The following RASSF8 variants were observed in gnomAD, a reference collection of about 807,000 sequenced individuals.
RASSF8 encodes Ras association domain family member 8, also known as ras association domain-containing protein 8.
A neutral mutation model predicts 48.5 loss-of-function variants in RASSF8; 22 were observed. That is an observed-to-expected ratio of 0.45 (90% CI 0.32 to 0.65). RASSF8 has a LOEUF of 0.65. RASSF8 is among the 30% of genes least tolerant of loss of function. The pLI, the probability that RASSF8 is intolerant of heterozygous loss-of-function variation, is 0.03. For missense variants in RASSF8, 418 were observed against 489.2 expected (o/e 0.85, Z 1.37); for synonymous variants, 127 against 171.5 (o/e 0.74, Z 2.03).
At chr12:26,028,706 T>G (rs1450568670) in intron 2 of RASSF8, among the ~76,000 whole-genome samples, 1 of 152,022 alleles carries the variant, frequency 6.6e-6, no homozygotes, top group Non-Finnish European at 1.5e-5. Flanking sequence ...TAAGGAGGGG[T>G]GAATGAGGAA....
intron 1 of RASSF8, among the ~76,000 whole-genome samples, chr12:25,961,142 T>C (rs1439498729): frequency 6.6e-6 from 1 of 151,936 alleles, no homozygotes; most frequent in African/African-American, 2.4e-5. Context: ...AAATGATTAG[T>C]TCTTCAGGGT....
rs761572605 is a variant in RASSF8 at position 26,065,063 on chromosome 12, A to G, written c.669A>G (p.Glu223=). 4 of 1,613,926 alleles carry G rather than the reference A, an allele frequency of 2.5e-6. No individual in the cohort carries two copies. The highest frequency in any genetic ancestry group is 8.5e-7 in the Non-Finnish European group (1 of 1,179,842). ...GAAACGATGTAGAAATTGAGGAGGA[A>G]GAATTCTGGGAAAATGAATTACAGA... ...IKRNDVEIEE[E]EFWENELQIE... Residue 223 remains glutamate (E), a synonymous_variant, in exon 4 of 6, where the codon GAA becomes GAG. Transcript: ENST00000689635.
chr12:26,069,740 G>GT lies in RASSF8; in HGVS notation c.*923dup. ...CTTCAGGAACATTGCTTTAAGTGAT[G>GT]TATTTTAAAATAACCCGCTTCATAT... On this transcript the variant is annotated 3_prime_UTR_variant, in exon 6 of 6. Transcript: ENST00000689635. 6 of 985,298 alleles carry GT rather than the reference G, an allele frequency of 6.1e-6. No homozygotes were observed. Among genetic ancestry groups the GT allele is most frequent in the Non-Finnish European group, 6.0e-6 (5 of 829,842 alleles). The allele number at this position is 985,298 out of a possible 1,614,324, so 61.0% of individuals were successfully genotyped here.
chr12:26,037,279 A>G (rs778786497), intron 2 of RASSF8, among the ~76,000 whole-genome samples: 14 of 152,196 alleles, frequency 9.2e-5, no homozygotes, highest in Non-Finnish European at 1.3e-4. Context: ...CAGATATTTT[A>G]AGCAATATCA....
At chr12:26,050,112 T>A (rs1486565603) in intron 2 of RASSF8, among the ~76,000 whole-genome samples, 2 of 152,206 alleles carry the variant, frequency 1.3e-5, no homozygotes, top group Non-Finnish European at 2.9e-5. Context: ...GAAGGATCAG[T>A]ATTCTCATAC....
chr12:26,077,848 C>T (rs184977003), downstream of RASSF8, among the ~76,000 whole-genome samples: 86 of 152,262 alleles, frequency 5.6e-4, 1 homozygote, highest in African/African-American at 1.9e-3. Context: ...TCTTCCATAA[C>T]TTGTATGTAT....
chr12:26,003,526 A>G (rs1381495536), intron 2 of RASSF8, among the ~76,000 whole-genome samples: 1 of 152,206 alleles, frequency 6.6e-6, no homozygotes, highest in Non-Finnish European at 1.5e-5. Flanking sequence ...GCTTATCTAT[A>G]GATTTTTTTT....
At chr12:26,024,074 A>C (rs1253415592) in intron 2 of RASSF8, among the ~76,000 whole-genome samples, 1 of 152,250 alleles carries the variant, frequency 6.6e-6, no homozygotes, top group Non-Finnish European at 1.5e-5. Context: ...TGTAAGGTAC[A>C]TAGATATTGT....
chr12:26,079,839 T>C (rs1944102679), exon 6 of RASSF8: 1 of 152,070 alleles, frequency 6.6e-6, no homozygotes, highest in African/African-American at 2.4e-5. Context: ...ACAGCTATTG[T>C]GGAAAACAGT....
intron 1 of RASSF8, among the ~76,000 whole-genome samples, chr12:25,987,890 C>T (rs1391539812): frequency 2.0e-5 from 3 of 152,012 alleles, no homozygotes; most frequent in Non-Finnish European, 2.9e-5. Context: ...CTCACTCTGT[C>T]ACCCAGGCTG....
At chr12:26,020,976 G>A (rs1422984748) in intron 2 of RASSF8, among the ~76,000 whole-genome samples, 2 of 152,148 alleles carry the variant, frequency 1.3e-5, no homozygotes, top group Non-Finnish European at 2.9e-5. Flanking sequence ...ACTTTGTAAA[G>A]TTGCAGTATT....
intron 2 of RASSF8, among the ~76,000 whole-genome samples, chr12:25,998,838 A>C (rs1019950626): frequency 6.6e-6 from 1 of 151,968 alleles, no homozygotes; most frequent in Non-Finnish European, 1.5e-5. Context: ...GGGAGAGTTC[A>C]TGGCTAGTCT....
intron 2 of RASSF8, among the ~76,000 whole-genome samples, chr12:25,999,987 A>G (rs1942218218): frequency 6.6e-6 from 1 of 152,208 alleles, no homozygotes; most frequent in South Asian, 2.1e-4. Flanking sequence ...GTTAGTTTTA[A>G]TATTTTATAT....
intron 2 of RASSF8, among the ~76,000 whole-genome samples, chr12:26,000,116 A>G (rs1942221835): frequency 6.6e-6 from 1 of 152,198 alleles, no homozygotes; most frequent in South Asian, 2.1e-4. Context: ...TTTATACGGT[A>G]AAGAAGAATA....
intron 2 of RASSF8, among the ~76,000 whole-genome samples, chr12:26,042,639 A>C (rs1943289891): frequency 6.6e-6 from 1 of 152,100 alleles, no homozygotes; most frequent in Non-Finnish European, 1.5e-5. Flanking sequence ...AAGCTACATT[A>C]GATATTTTCT....
intron 1 of RASSF8, among the ~76,000 whole-genome samples, chr12:25,972,394 T>C (rs909633741): frequency 3.3e-5 from 5 of 152,012 alleles, no homozygotes; most frequent in Non-Finnish European, 7.4e-5. Flanking sequence ...TATATAAAGC[T>C]GAGTAAGAGG....
chr12:26,050,151 T>A (rs1424241464), intron 2 of RASSF8, among the ~76,000 whole-genome samples: 1 of 152,190 alleles, frequency 6.6e-6, no homozygotes, highest in Non-Finnish European at 1.5e-5. Context: ...TCATAGCATG[T>A]TTTATACTAG....
rs367979051 is a variant in RASSF8, at chr12:26,069,256, G to C, written c.*438G>C. On this transcript the variant is annotated 3_prime_UTR_variant, in exon 6 of 6. Transcript: ENST00000689635. ...CTGTGACTGACTTACGTTACATATT[G>C]TGTGATTATGACCGTGTGCATGTTG... The C allele has an allele frequency of 1.0e-6, 1 of 987,382 alleles. No individual in the cohort carries two copies. The highest frequency in any genetic ancestry group is 1.2e-6 in the Non-Finnish European group (1 of 830,024). 61.2% of individuals were successfully genotyped at this position (987,382 alleles called of 1,614,324 possible). A position where few individuals can be genotyped will look rare whatever the true frequency, so the allele number is the denominator to read the frequency against.
intron 2 of RASSF8, among the ~76,000 whole-genome samples, chr12:26,047,359 T>G (rs982435465): frequency 2.6e-5 from 4 of 152,228 alleles, no homozygotes; most frequent in Admixed American, 2.6e-4. Flanking sequence ...GCTAATGTTC[T>G]TATATCAATA....
Sources: gnomAD v4.1 joint callset for allele counts (sites outside exome capture counted in the v4.1 genomes callset) on GRCh38, gnomAD v4.1.1 for gene constraint, MANE v1.5 for transcripts, NCBI Gene and HGNC (gene_info 2026-07-23, HGNC 2026-07-21) for gene names.